Variants in RASGRP4 observed in about 807,000 individuals in gnomAD.
RASGRP4 encodes RAS guanyl-releasing protein 4.
In RASGRP4, 52 loss-of-function variants were observed where a neutral mutation model predicts 84.4. The observed-to-expected ratio is 0.62, with a 90% confidence interval of 0.49 to 0.78. The LOEUF is 0.78. Ranked by LOEUF, RASGRP4 falls within the 30% of genes least tolerant of loss-of-function variation. The pLI is 0.00. For missense variants in RASGRP4, 760 were observed against 886.9 expected, an observed-to-expected ratio of 0.86 and a Z score of 1.82; for synonymous variants, 356 against 359.1, an observed-to-expected ratio of 0.99 and a Z score of 0.10.
In RASGRP4 at chr19:38,422,162, A is replaced by G. The variant is rs1971786741; in HGVS notation, c.24-9T>C. ...ATTCCTGGTGGGACTTCCTGTGGGC[A>G]CAGCCCCCAAGGAGTCATGGGAGCA... On this transcript the variant is annotated splice_polypyrimidine_tract_variant and intron_variant, in intron 1 of 16. Transcript: ENST00000615439. 6.2e-7 allele frequency: 1 copy of G among 1,604,178 alleles called. No individual in the cohort carries two copies. Among genetic ancestry groups the G allele is most frequent in the Non-Finnish European group, 8.5e-7 (1 of 1,175,850 alleles).
Position 38,409,848 on chromosome 19 carries a change from A to G in RASGRP4, c.*192T>C. ...AAGTGCAGGGAAAGGGAGCAGGATT[A>G]GCATCCACCAGGATGCAAAAGAGGA... is the stretch of plus-strand genomic sequence containing the variant. On this transcript the variant is annotated 3_prime_UTR_variant, in exon 17 of 17. Coordinates refer to ENST00000615439, the MANE Select transcript of RASGRP4 (RefSeq NM_170604.3). 1.1e-5 allele frequency: 6 copies of G among 544,342 alleles called. No homozygotes were observed. The highest frequency in any genetic ancestry group is 2.0e-5 in the Non-Finnish European group (6 of 302,804). 33.7% of individuals were successfully genotyped at this position (544,342 alleles called of 1,614,324 possible). A position where few individuals can be genotyped will look rare whatever the true frequency, so the allele number is the denominator to read the frequency against.
chr19:38,415,100 G>A lies in RASGRP4; in HGVS notation c.978C>T (p.Leu326=), dbSNP rs1457659734. ...STKALLELTE[L]LASHNNYARY... is the part of the protein sequence containing the mutation. ...GGGCGTAGTTGTTGTGGGAGGCAAG[G>A]AGCTCAGTGAGCTCCAGGAGGGCCT... Residue 326 remains leucine, a synonymous_variant, in exon 9 of 17, where the codon CTC becomes CTT. Transcript: ENST00000615439. The A allele has an allele frequency of 6.3e-7, 1 of 1,597,244 alleles. No individual in the cohort carries two copies. The highest frequency in any genetic ancestry group is 8.5e-7 in the Non-Finnish European group (1 of 1,171,626).
Position 38,426,126 on chromosome 19 carries a change from G to C in RASGRP4, c.-35C>G, listed in dbSNP as rs751504456. On this transcript the variant is annotated 5_prime_UTR_variant, in exon 1 of 17. Coordinates refer to ENST00000615439, the MANE Select transcript of RASGRP4 (RefSeq NM_170604.3). ...GTGGGGTGAGGAGGCCGGGGGTCTT[G>C]CAAGAGTAGGGCTCAGCTCCTCCCC... is the stretch of plus-strand genomic sequence containing the variant. 7.6e-7 allele frequency: 1 copy of C among 1,314,484 alleles called. No homozygotes were observed. The highest frequency in any genetic ancestry group is 2.8e-5 in the East Asian group (1 of 35,202). The allele number at this position is 1,314,484 out of a possible 1,614,324, so 81.4% of individuals were successfully genotyped here.
rs1971608871 is a variant in RASGRP4, at chr19:38,418,599, C to T, written c.664-35G>A. The T allele has an allele frequency of 2.0e-6, 3 of 1,473,478 alleles. No individual in the cohort carries two copies. The highest frequency in any genetic ancestry group is 2.7e-6 in the Non-Finnish European group (3 of 1,110,406). 91.3% of individuals were successfully genotyped at this position (1,473,478 alleles called of 1,614,324 possible). ...AGGTGGGTGTCAAGGTGGGCCGTGG[C>T]GCTCAGGCCCTGCCCTTCCATGGCA... is the stretch of plus-strand genomic sequence containing the variant. On this transcript the variant is annotated intron_variant, in intron 6 of 16. Transcript: ENST00000615439. The surrounding 1 kb of genome is among the most constrained non-coding windows in gnomAD (Gnocchi z 4.6).
rs770365088 is a variant in RASGRP4 at position 38,418,352 on chromosome 19, CGTGCA to C, written c.837+34_837+38del. On this transcript the variant is annotated intron_variant, in intron 7 of 16. Coordinates refer to ENST00000615439, the MANE Select transcript of RASGRP4 (RefSeq NM_170604.3). This position sits in a 1 kb window ranked among gnomAD's most constrained non-coding sequence, Gnocchi z 4.6. ...TGGAAGGGGAAGGACCAGGTGGCTG[CGTGCA>C]GTGGAGTTCGCAGCCCCAAGGGGCG... The C allele has an allele frequency of 2.0e-5, 31 of 1,575,294 alleles. No individual in the cohort carries two copies. In the African/African-American group the frequency reaches 3.8e-4, roughly 19 times the overall value.
chr19:38,421,018 C>T lies in RASGRP4; in HGVS notation c.315-48G>A, dbSNP rs749768472. The T allele has an allele frequency of 6.2e-6, 10 of 1,607,308 alleles. No homozygotes were observed. The South Asian group carries it at 6.6e-5, about 11-fold the overall frequency. On this transcript the variant is annotated intron_variant, in intron 3 of 16. Transcript: ENST00000615439. ...TTTTCCAGGATCCATGACCTGCCTGCTCCCCATTCCCATTGCCCAGGTTCT... is the reference window on the plus strand; with the variant it reads ...TTTTCCAGGATCCATGACCTGCCTGTTCCCCATTCCCATTGCCCAGGTTCT...
intron 4 of RASGRP4, 140 bp downstream of exon 4, chr19:38,420,768 T>C: frequency 1.3e-6 from 1 of 768,940 alleles, no homozygotes; most frequent in South Asian, 1.6e-5. Flanking sequence ...GCTACAGGTG[T>C]CTCAGAAGTG....
At chr19:38,421,255 C>G in intron 2 of RASGRP4, 55 bp from the exon 3 acceptor site, 1 of 1,280,682 alleles carries the variant, frequency 7.8e-7, no homozygotes, top group South Asian at 1.2e-5. Flanking sequence ...CAATGCAGAG[C>G]GTAGCTCCAG....
Position 38,420,937 on chromosome 19 carries a change from C to T in RASGRP4, c.348G>A (p.Leu116=). ...YQKATGDTQE[L]RRLQICHLVR... is the part of the protein sequence containing the mutation. ...CCAGGTGACAGATCTGCAGCCGTCT[C>T]AGCTCCTGGGTGTCCCCTGTGGCCT... is the stretch of plus-strand genomic sequence containing the variant. The change falls in exon 4 of 17, where the codon CTG becomes CTA. Residue 116 remains leucine, a synonymous_variant. Coordinates refer to ENST00000615439, the MANE Select transcript of RASGRP4 (RefSeq NM_170604.3). 6.2e-7 allele frequency: 1 copy of T among 1,613,946 alleles called. No individual in the cohort carries two copies.
rs1164515123 is a variant in RASGRP4 at position 38,419,770 on chromosome 19, G to T, written c.663+90C>A. On this transcript the variant is annotated intron_variant, in intron 6 of 16. Transcript: ENST00000615439. ...AGATCTCTGCCGAATGACCATGCAG[G>T]TGTCCTCTCAGTCCTACCTTCCCCC... 1.3e-5 allele frequency: 16 copies of T among 1,234,278 alleles called. No individual in the cohort carries two copies. In the East Asian group the frequency reaches 4.1e-4, roughly 32 times the overall value. 76.5% of individuals were successfully genotyped at this position (1,234,278 alleles called of 1,614,324 possible).
chr19:38,424,968 G>T (rs1018816743), intron 1 of RASGRP4, among the ~76,000 whole-genome samples: 1 of 151,898 alleles, frequency 6.6e-6, no homozygotes, highest in Non-Finnish European at 1.5e-5. Flanking sequence ...GGTGGATCAC[G>T]AGGTCAAGAG....
In RASGRP4 at chr19:38,417,584, G is replaced by A. The variant is rs1258888796; in HGVS notation, c.838-416C>T. Among the ~76,000 whole-genome samples the A allele has an allele frequency of 2.0e-5, 3 of 152,138 alleles. No homozygotes were observed. The highest frequency in any genetic ancestry group is 7.2e-5 in the African/African-American group (3 of 41,414). ...AAGAAGGTGCAGGCTCTGGGCAGGAGCTGGGAGCCAGGCAGAGGTGAATAG... is the reference window on the plus strand; with the variant it reads ...AAGAAGGTGCAGGCTCTGGGCAGGAACTGGGAGCCAGGCAGAGGTGAATAG... On this transcript the variant is annotated intron_variant, in intron 7 of 16. Transcript: ENST00000615439. This position sits in a 1 kb window ranked among gnomAD's most constrained non-coding sequence, Gnocchi z 5.1.
Position 38,409,782 on chromosome 19 carries a change from C to A in RASGRP4, c.*258G>T. The A allele has an allele frequency of 3.1e-6, 1 of 326,944 alleles. No individual in the cohort carries two copies. The highest frequency in any genetic ancestry group is 5.6e-6 in the Non-Finnish European group (1 of 178,666). The allele number at this position is 326,944 out of a possible 1,614,324, so 20.3% of individuals were successfully genotyped here. A position where few individuals can be genotyped will look rare whatever the true frequency, so the allele number is the denominator to read the frequency against. ...GATGTAGGGAGTTGGTAGAATGAGG[C>A]CTGAGTCTAAATGTATCCAACACAC... On this transcript the variant is annotated 3_prime_UTR_variant, in exon 17 of 17. Coordinates refer to ENST00000615439, the MANE Select transcript of RASGRP4 (RefSeq NM_170604.3).
chr19:38,410,347 C>T (rs972246349), intron 16 of RASGRP4, among the ~76,000 whole-genome samples: 3 of 151,858 alleles, frequency 2.0e-5, no homozygotes, highest in African/African-American at 7.3e-5. Flanking sequence ...GGCTAGAATC[C>T]TTTTTTCTGT....
Position 38,420,030 on chromosome 19 carries a change from G to T in RASGRP4, c.510-17C>A, listed in dbSNP as rs1196794655. On this transcript the variant is annotated splice_polypyrimidine_tract_variant and intron_variant, in intron 5 of 16. Coordinates refer to ENST00000615439, the MANE Select transcript of RASGRP4 (RefSeq NM_170604.3). The stretch of plus-strand genomic sequence containing the variant: ...GGGCTCAGGCTGGGGGCCAAGAGGG[G>T]CAGGGTATTGGAGTGGCTCACAGTT... 5.6e-6 allele frequency: 9 copies of T among 1,613,150 alleles called. No individual in the cohort carries two copies. Among genetic ancestry groups the T allele is most frequent in the Non-Finnish European group, 7.6e-6 (9 of 1,179,172 alleles).
rs750940278 is a variant in RASGRP4, at chr19:38,417,453, TG to T, written c.838-286del. Among the ~76,000 whole-genome samples the T allele has an allele frequency of 3.9e-5, 6 of 152,086 alleles. No homozygotes were observed. In the East Asian group the frequency reaches 1.2e-3, roughly 30 times the overall value. On this transcript the variant is annotated intron_variant, in intron 7 of 16. Coordinates refer to ENST00000615439, the MANE Select transcript of RASGRP4 (RefSeq NM_170604.3). The surrounding 1 kb of genome is among the most constrained non-coding windows in gnomAD (Gnocchi z 5.1). Reference sequence around the variant, plus strand: ...GGAAGTACGAGAAGTTGGGCGGATTTGGGGAATAGACAGGTGTGTGTCAGGT... The same window carrying T: ...GGAAGTACGAGAAGTTGGGCGGATTTGGGAATAGACAGGTGTGTGTCAGGT...
At position 38,421,957 on chromosome 19, in the gene RASGRP4, G is replaced by T. The variant is rs4310986; in HGVS notation, c.208+12C>A. On this transcript the variant is annotated intron_variant, in intron 2 of 16. Transcript: ENST00000615439. ...TTAGGGCCAGGGAGGCTGCTGGGGA[G>T]AGGACACTTACCGAAGGACTGGATG... The T allele has an allele frequency of 6.2e-7, 1 of 1,603,152 alleles. No individual in the cohort carries two copies. The highest frequency in any genetic ancestry group is 1.1e-5 in the South Asian group (1 of 89,222).
chr19:38,416,527 G>T (rs371249484), intron 8 of RASGRP4, among the ~76,000 whole-genome samples: 5 of 151,206 alleles, frequency 3.3e-5, no homozygotes, highest in Admixed American at 3.3e-4. Flanking sequence ...TGCCCAGGCT[G>T]GTCTGAAACA....
intron 9 of RASGRP4, 21 bp downstream of exon 9, chr19:38,414,827 G>T: frequency 6.4e-7 from 1 of 1,564,620 alleles, no homozygotes; most frequent in South Asian, 1.2e-5. Flanking sequence ...GCCCAGCCTG[G>T]GCGGGGCCAG....
Sources: allele counts gnomAD v4.1 joint callset (sites outside exome capture counted in the v4.1 genomes callset), GRCh38; gene constraint gnomAD v4.1.1; non-coding constraint Gnocchi (gnomAD v3.1); transcripts MANE v1.5; gene names NCBI Gene and HGNC (gene_info 2026-07-23, HGNC 2026-07-21).